The following LINC00305 variants were observed in gnomAD, a reference collection of about 807,000 sequenced individuals.
LINC00305 encodes the protein long intergenic non-protein coding RNA 305.
chr18:64,136,028 T>C (rs1234737195), intron 1 of LINC00305, among the ~76,000 whole-genome samples: 1 of 152,142 alleles, frequency 6.6e-6, no homozygotes, highest in Non-Finnish European at 1.5e-5. Flanking sequence ...ATGGCCCAGC[T>C]CCGACCAGGT....
chr18:64,147,033 A>G (rs1197878443), intron 1 of LINC00305, among the ~76,000 whole-genome samples: 2 of 152,228 alleles, frequency 1.3e-5, no homozygotes, highest in African/African-American at 4.8e-5. Flanking sequence ...TTCAAAAAGT[A>G]CACATACAAA....
chr18:64,127,070 C>G (rs1243781105), intron 1 of LINC00305, among the ~76,000 whole-genome samples: 3 of 152,054 alleles, frequency 2.0e-5, no homozygotes, highest in Admixed American at 2.0e-4. Flanking sequence ...GGAAGAGTAA[C>G]CTTCCTCCCC....
chr18:64,146,374 T>C lies in LINC00305; in HGVS notation n.314+2401A>G, dbSNP rs181722974. Among the ~76,000 whole-genome samples, 6 of 152,332 alleles carry C rather than the reference T, an allele frequency of 3.9e-5. No homozygotes were observed. In the East Asian group the frequency reaches 7.7e-4, roughly 20 times the overall value. On this transcript the variant is annotated intron_variant and non_coding_transcript_variant, in intron 1 of 3. Coordinates refer to ENST00000666468, the Ensembl canonical transcript of LINC00305. ...AACCGTATTTTATGTAGTTGGACTT[T>C]GTATGTGTGTGTGTAAATACGCAAT...
chr18:64,126,712 C>T (rs1268247411), intron 1 of LINC00305, among the ~76,000 whole-genome samples: 3 of 152,040 alleles, frequency 2.0e-5, no homozygotes. Context: ...GTGATCAAAG[C>T]GTGTCCAGCT....
At chr18:64,138,487 G>A (rs1000944862) in intron 1 of LINC00305, among the ~76,000 whole-genome samples, 4 of 152,198 alleles carry the variant, frequency 2.6e-5, no homozygotes, top group African/African-American at 9.6e-5. Flanking sequence ...CTTTTGCTGT[G>A]TTACAGCTTA....
chr18:64,104,907 G>A (rs2051283250), intron 1 of LINC00305, among the ~76,000 whole-genome samples: 1 of 151,896 alleles, frequency 6.6e-6, no homozygotes, highest in African/African-American at 2.4e-5. Context: ...AGGCCCTGTG[G>A]AATTGTTCTA....
intron 1 of LINC00305, among the ~76,000 whole-genome samples, chr18:64,120,812 T>C (rs2051358711): frequency 1.3e-5 from 2 of 152,126 alleles, no homozygotes; most frequent in South Asian, 4.1e-4. Context: ...TAAACCAGAT[T>C]GCAAGTGAAA....
chr18:64,129,876 G>A (rs978725883), intron 1 of LINC00305, among the ~76,000 whole-genome samples: 8 of 151,380 alleles, frequency 5.3e-5, no homozygotes, highest in East Asian at 1.9e-4. Flanking sequence ...CACTCATTTC[G>A]CAAAACAAAT....
intron 1 of LINC00305, among the ~76,000 whole-genome samples, chr18:64,130,539 C>G (rs1219076753): frequency 6.6e-6 from 1 of 152,038 alleles, no homozygotes; most frequent in South Asian, 2.1e-4. Context: ...ACATTTTTTT[C>G]CCAATAAATT....
At position 64,107,742 on chromosome 18, in the gene LINC00305, TG is replaced by T. The variant is rs143001049; in HGVS notation, n.315-9103del. Among the ~76,000 whole-genome samples the T allele has an allele frequency of 1.9e-3, 283 of 152,286 alleles. 2 individuals carry two copies. The highest frequency in any genetic ancestry group is 6.3e-3 in the African/African-American group (261 of 41,558). ...TAATTTGGCCAGAAGAAGAGGCATG[TG>T]GTCAATGTATCTTATAGGGTAGAGT... is the stretch of plus-strand genomic sequence containing the variant. On this transcript the variant is annotated intron_variant and non_coding_transcript_variant, in intron 1 of 3. Coordinates refer to ENST00000666468, the Ensembl canonical transcript of LINC00305.
chr18:64,148,201 A>T (rs981734818), intron 1 of LINC00305, among the ~76,000 whole-genome samples: 12 of 152,008 alleles, frequency 7.9e-5, no homozygotes, highest in Non-Finnish European at 1.0e-4. Context: ...TTCAGTTCAG[A>T]GGGGAGAGAG....
chr18:64,147,066 T>C (rs575635117), intron 1 of LINC00305: 1 of 152,354 alleles, frequency 6.6e-6, no homozygotes, highest in East Asian at 1.9e-4. Context: ...AAGCTGTATA[T>C]TTAGTGTAAA....
intron 3 of LINC00305, among the ~76,000 whole-genome samples, chr18:64,094,814 A>G (rs1446707767): frequency 6.6e-6 from 1 of 151,952 alleles, no homozygotes; most frequent in Non-Finnish European, 1.5e-5. Flanking sequence ...AGTGAGCTGC[A>G]CTGTACTCCA....
At position 64,123,713 on chromosome 18, in the gene LINC00305, T is replaced by C. The variant is rs191921673; in HGVS notation, n.314+25062A>G. Among the ~76,000 whole-genome samples the C allele has an allele frequency of 2.5e-3, 378 of 152,258 alleles. 3 individuals carry two copies. Among genetic ancestry groups the C allele is most frequent in the African/African-American group, 8.2e-3 (339 of 41,554 alleles). On this transcript the variant is annotated intron_variant and non_coding_transcript_variant, in intron 1 of 3. Transcript: ENST00000666468. ...TGCTATGATTTGGATGTTTGTCCTC[T>C]TCAAACCTCATGTTCCAATTTGATT...
intron 1 of LINC00305, among the ~76,000 whole-genome samples, chr18:64,114,702 C>T (rs2051330160): frequency 6.6e-6 from 1 of 152,168 alleles, no homozygotes; most frequent in African/African-American, 2.4e-5. Context: ...GTGCATGCCA[C>T]CACACCCAGC....
chr18:64,085,006 C>T (rs1221421646), intron 3 of LINC00305, among the ~76,000 whole-genome samples: 1 of 152,214 alleles, frequency 6.6e-6, no homozygotes, highest in Non-Finnish European at 1.5e-5. Context: ...ATGTCATCAA[C>T]CACACATAGT....
chr18:64,105,663 G>A (rs1425792253), intron 1 of LINC00305, among the ~76,000 whole-genome samples: 3 of 152,176 alleles, frequency 2.0e-5, no homozygotes, highest in Non-Finnish European at 4.4e-5. Context: ...GTATGGGATA[G>A]GGTGGCAATG....
Position 64,118,087 on chromosome 18 carries a change from C to T in LINC00305, n.315-19447G>A, listed in dbSNP as rs143819672. The stretch of plus-strand genomic sequence containing the variant: ...TGAATGCATTATATAAAAGTAATTA[C>T]TTAGTGTGAACAGCTAGGAGGCATT... On this transcript the variant is annotated intron_variant and non_coding_transcript_variant, in intron 1 of 3. Transcript: ENST00000666468. Among the ~76,000 whole-genome samples the T allele has an allele frequency of 8.7e-3, 1,321 of 152,222 alleles. 7 individuals carry two copies. The highest frequency in any genetic ancestry group is 0.014 in the Non-Finnish European group (976 of 67,996).
intron 1 of LINC00305, among the ~76,000 whole-genome samples, chr18:64,115,406 A>G (rs2051333175): frequency 6.6e-6 from 1 of 152,170 alleles, no homozygotes; most frequent in South Asian, 2.1e-4. Context: ...TAGGTTTTCC[A>G]GCCTGAGGAC....
Sources: allele counts gnomAD v4.1 joint callset (sites outside exome capture counted in the v4.1 genomes callset), GRCh38; gene constraint gnomAD v4.1.1; transcripts MANE v1.5; gene names NCBI Gene and HGNC (gene_info 2026-07-23, HGNC 2026-07-21).